PCDH10: variants seen among roughly 807,000 people sequenced by gnomAD.
The protein encoded by PCDH10 is protocadherin-10.
A neutral mutation model predicts 74.4 loss-of-function variants in PCDH10; 15 were observed. The ratio of observed to expected loss-of-function variants is 0.20; its 90% confidence interval spans 0.13 to 0.31. The LOEUF (loss-of-function observed/expected upper bound fraction) is 0.31. Among genes scored for constraint, PCDH10 ranks in the 10% least tolerant of loss-of-function variants. PCDH10 has a pLI of 1.00. For missense variants in PCDH10, 1,260 were observed against 1,390.2 expected, an observed-to-expected ratio of 0.91 and a Z score of 1.49; for synonymous variants, 619 against 589.8, an observed-to-expected ratio of 1.05 and a Z score of -0.72.
In PCDH10 at chr4:133,191,396, A is replaced by G. The variant is rs2125874272; in HGVS notation, c.*1236A>G. The G allele has an allele frequency of 6.6e-6, 1 of 152,332 alleles. No individual in the cohort carries two copies. Among genetic ancestry groups the G allele is most frequent in the African/African-American group, 2.4e-5 (1 of 41,550 alleles). 9.4% of individuals were successfully genotyped at this position (152,332 alleles called of 1,614,324 possible). A position where few individuals can be genotyped will look rare whatever the true frequency, so the allele number is the denominator to read the frequency against. On this transcript the variant is annotated 3_prime_UTR_variant, in exon 5 of 5. Coordinates refer to ENST00000264360, the MANE Select transcript of PCDH10 (RefSeq NM_032961.3). ...TAAAATATGAAAGCTCTAAATTTAA[A>G]ATAAATTTAGAGATAGAATCATGGT...
chr4:133,184,718 T>C lies in PCDH10; in HGVS notation c.3104-5423T>C, dbSNP rs376085244. ...TATAAAATATATATATTTATATTTGTTTACATATATTTATATATTATATAT... is the reference window on the plus strand; with the variant it reads ...TATAAAATATATATATTTATATTTGCTTACATATATTTATATATTATATAT... On this transcript the variant is annotated intron_variant, in intron 4 of 4. Transcript: ENST00000264360. Among the ~76,000 whole-genome samples the C allele has an allele frequency of 2.2e-3, 321 of 144,674 alleles. 8 individuals carry two copies. In the East Asian group the frequency reaches 0.045, roughly 21 times the overall value. The allele number at this position is 144,674 out of a possible 152,430, so 94.9% of individuals were successfully genotyped here.
intron 2 of PCDH10, among the ~76,000 whole-genome samples, chr4:133,204,056 CT>C (rs1357267739): frequency 6.6e-6 from 1 of 152,132 alleles, no homozygotes; most frequent in African/African-American, 2.4e-5. Flanking sequence ...TAAACTCTCT[CT>C]CATTATTTTT....
chr4:133,200,795 CTA>C (rs1170723046), intron 2 of PCDH10, among the ~76,000 whole-genome samples: 1 of 152,154 alleles, frequency 6.6e-6, no homozygotes, highest in African/African-American at 2.4e-5. Context: ...CTGTGCCAGG[CTA>C]TGTTTCCATT....
intron 2 of PCDH10, among the ~76,000 whole-genome samples, chr4:133,202,900 A>G (rs1032487391): frequency 5.9e-5 from 9 of 152,176 alleles, no homozygotes; most frequent in African/African-American, 2.2e-4. Context: ...GATCTCTTCT[A>G]GCACTGAGGC....
chr4:133,191,623 T>C lies in PCDH10; in HGVS notation c.*1463T>C, dbSNP rs1183163391. ...TTTTTCTACTGTTGTGTATGCCTTG[T>C]TAGAACACATTCGAGAGAGGAAAAA... On this transcript the variant is annotated 3_prime_UTR_variant, in exon 5 of 5. Coordinates refer to ENST00000264360, the MANE Select transcript of PCDH10 (RefSeq NM_032961.3). The C allele has an allele frequency of 1.3e-5, 2 of 152,000 alleles. No individual in the cohort carries two copies. Among genetic ancestry groups the C allele is most frequent in the African/African-American group, 4.8e-5 (2 of 41,400 alleles). 9.4% of individuals were successfully genotyped at this position (152,000 alleles called of 1,614,324 possible).
At chr4:133,179,495 G>A (rs1727365553) in intron 4 of PCDH10, among the ~76,000 whole-genome samples, 2 of 152,064 alleles carry the variant, frequency 1.3e-5, no homozygotes, top group African/African-American at 4.8e-5. Flanking sequence ...AAGCCCTTGT[G>A]TGTTTATACA....
At position 133,194,466 on chromosome 4, in the gene PCDH10, A is replaced by G. The variant is rs1036945082; in HGVS notation, c.*4306A>G. 4 of 151,910 alleles carry G rather than the reference A, an allele frequency of 2.6e-5. No individual in the cohort carries two copies. The highest frequency in any genetic ancestry group is 9.7e-5 in the African/African-American group (4 of 41,446). The allele number at this position is 151,910 out of a possible 1,614,324, so 9.4% of individuals were successfully genotyped here. A position where few individuals can be genotyped will look rare whatever the true frequency, so the allele number is the denominator to read the frequency against. On this transcript the variant is annotated 3_prime_UTR_variant, in exon 5 of 5. Coordinates refer to ENST00000264360, the MANE Select transcript of PCDH10 (RefSeq NM_032961.3). ...TATCTGTGAGTGAAAACAGGGTATT[A>G]TAACAAAAGATGAGTTTCAATCTTA... is the stretch of plus-strand genomic sequence containing the variant.
At chr4:133,195,422 G>T (rs373716574), downstream of PCDH10, among the ~76,000 whole-genome samples, 1 of 151,578 alleles carries the variant, frequency 6.6e-6, no homozygotes, top group African/African-American at 2.4e-5. Context: ...CTCAATGAAA[G>T]GTTAACAGCT....
intron 4 of PCDH10, among the ~76,000 whole-genome samples, chr4:133,169,064 A>G (rs1299987108): frequency 6.6e-6 from 1 of 151,670 alleles, no homozygotes; most frequent in African/African-American, 2.4e-5. Flanking sequence ...AACTTATTTC[A>G]TATCCTAAGG....
intron 4 of PCDH10, among the ~76,000 whole-genome samples, chr4:133,184,177 A>T (rs1348502035): frequency 6.6e-6 from 1 of 152,136 alleles, no homozygotes; most frequent in African/African-American, 2.4e-5. Context: ...ATATTATAAT[A>T]CTACCATCTC....
intron 4 of PCDH10, among the ~76,000 whole-genome samples, chr4:133,175,827 T>C (rs187661339): frequency 6.6e-6 from 1 of 152,248 alleles, no homozygotes; most frequent in Non-Finnish European, 1.5e-5. Flanking sequence ...AAAAGTGTTT[T>C]GAATGATTGT....
intron 4 of PCDH10, among the ~76,000 whole-genome samples, chr4:133,185,814 T>C (rs1361597985): frequency 1.3e-5 from 2 of 152,170 alleles, no homozygotes; most frequent in Non-Finnish European, 2.9e-5. Flanking sequence ...GTTTCTGCGG[T>C]TTATACAATC....
chr4:133,153,615 T>TG (rs1726791653), intron 1 of PCDH10: 1 of 145,394 alleles, frequency 6.9e-6, no homozygotes, highest in African/African-American at 2.5e-5. Flanking sequence ...GGGTGGGGGT[T>TG]GGGGGGAGAA....
chr4:133,168,847 A>G lies in PCDH10; in HGVS notation c.3103+5565A>G, dbSNP rs570320018. On this transcript the variant is annotated intron_variant, in intron 4 of 4. Coordinates refer to ENST00000264360, the MANE Select transcript of PCDH10 (RefSeq NM_032961.3). ...ACACACTCAGTTGTTGATACCTCCAAGCAAACTTTATTCTTTTCTTCTAAT... is the reference window on the plus strand; with the variant it reads ...ACACACTCAGTTGTTGATACCTCCAGGCAAACTTTATTCTTTTCTTCTAAT... 2.0e-5 allele frequency among the ~76,000 whole-genome samples: 3 copies of G among 151,794 alleles called. No homozygotes were observed. In the South Asian group the frequency reaches 6.2e-4, roughly 31 times the overall value.
chr4:133,199,760 T>A (rs552214152), intron 2 of PCDH10, among the ~76,000 whole-genome samples: 1 of 143,780 alleles, frequency 7.0e-6, no homozygotes, highest in Non-Finnish European at 1.5e-5. Flanking sequence ...CAGTTGTTTT[T>A]AATTATTATT....
At chr4:133,165,491 C>T (rs544388077) in intron 4 of PCDH10, among the ~76,000 whole-genome samples, 3 of 151,746 alleles carry the variant, frequency 2.0e-5, no homozygotes, top group South Asian at 4.1e-4. Context: ...GTTTTTGATA[C>T]TTGTGTCCTT....
intron 4 of PCDH10, among the ~76,000 whole-genome samples, chr4:133,171,771 T>G (rs2125866747): frequency 6.6e-6 from 1 of 152,250 alleles, no homozygotes; most frequent in African/African-American, 2.4e-5. Flanking sequence ...AAAATTAGGA[T>G]AAAATTCTTG....
At chr4:133,173,931 G>T (rs763905044) in intron 4 of PCDH10, among the ~76,000 whole-genome samples, 2 of 151,710 alleles carry the variant, frequency 1.3e-5, no homozygotes, top group Non-Finnish European at 2.9e-5. Flanking sequence ...ATCATAACTC[G>T]CAGGTTTAAA....
At chr4:133,156,455 A>G (rs1056851014) in intron 3 of PCDH10, among the ~76,000 whole-genome samples, 8 of 152,232 alleles carry the variant, frequency 5.3e-5, no homozygotes, top group African/African-American at 1.9e-4. Context: ...AGTGTCTGGG[A>G]ACCTGACAAC....
Sources: gnomAD v4.1 joint callset for allele counts (sites outside exome capture counted in the v4.1 genomes callset) on GRCh38, gnomAD v4.1.1 for gene constraint, MANE v1.5 for transcripts, NCBI Gene and HGNC (gene_info 2026-07-23, HGNC 2026-07-21) for gene names.